Variants in ROPN1L observed in about 807,000 individuals in gnomAD.
The protein encoded by ROPN1L is ropporin-1-like protein.
In ROPN1L, 23 loss-of-function variants were observed where a neutral mutation model predicts 22.7. That is an observed-to-expected ratio of 1.01 (90% confidence interval 0.73 to 1.43). The LOEUF (loss-of-function observed/expected upper bound fraction) is 1.43, where lower values mean the gene tolerates loss of function less well. Ranked by LOEUF, ROPN1L falls within the 40% of genes most tolerant of loss-of-function variation. ROPN1L has a pLI of 0.00. For synonymous variants in ROPN1L, 116 were observed against 117.8 expected (o/e 0.98, Z 0.10); for missense variants, 271 against 291.5 (o/e 0.93, Z 0.51).
chr5:10,442,399 C>A, intron 1 of ROPN1L, 101 bp downstream of exon 1: 3 of 1,475,458 alleles, frequency 2.0e-6, no homozygotes, highest in Non-Finnish European at 2.8e-6. Flanking sequence ...CGGCACTCAG[C>A]GTCCTTAAGA....
the ROPN1L span, among the ~76,000 whole-genome samples, chr5:10,477,702 A>G: frequency 6.6e-6 from 1 of 152,106 alleles, no homozygotes; most frequent in African/African-American, 2.4e-5. Context: ...GGCCAAGGCA[A>G]TCGGATCATT....
intron 1 of ROPN1L, among the ~76,000 whole-genome samples, chr5:10,443,887 G>T (rs1740972027): frequency 6.6e-6 from 1 of 152,124 alleles, no homozygotes; most frequent in African/African-American, 2.4e-5. Flanking sequence ...GGACACTGGT[G>T]ATTGCATTCA....
chr5:10,468,154 A>T (rs535721513), downstream of ROPN1L, among the ~76,000 whole-genome samples: 1 of 152,240 alleles, frequency 6.6e-6, no homozygotes, highest in African/African-American at 2.4e-5. Flanking sequence ...TCCCTGCCTC[A>T]CGGTTGACTG....
chr5:10,447,284 C>T (rs1220541224), intron 1 of ROPN1L, among the ~76,000 whole-genome samples: 1 of 152,200 alleles, frequency 6.6e-6, no homozygotes, highest in Admixed American at 6.5e-5. Flanking sequence ...TTGCCTGGCA[C>T]CCCTCCCACC....
At chr5:10,464,794 CTAAGTA>C (rs913792450) in intron 4 of ROPN1L, 48 bp from the exon 5 acceptor site, 18 of 1,001,164 alleles carry the variant, frequency 1.8e-5, no homozygotes, top group African/African-American at 1.1e-4. Flanking sequence ...AAAAATGTTA[CTAAGTA>C]TATGATGAGA....
intron 3 of ROPN1L, among the ~76,000 whole-genome samples, chr5:10,455,519 G>A (rs1741389141): frequency 6.6e-6 from 1 of 152,224 alleles, no homozygotes; most frequent in Non-Finnish European, 1.5e-5. Flanking sequence ...GTGGGAAAGA[G>A]GCAGGGGCCA....
Position 10,461,272 on chromosome 5 carries a change from C to T in ROPN1L, c.506C>T (p.Ser169Phe). 4 of 1,614,148 alleles carry T rather than the reference C, an allele frequency of 2.5e-6. No individual in the cohort carries two copies. The highest frequency in any genetic ancestry group is 3.4e-6 in the Non-Finnish European group (4 of 1,180,032). The part of the protein sequence containing the change: ...GPARIPFKTF[S>F]YVYRYLARLD... ...GCTCGCATCCCCTTCAAGACGTTTTCCTACGTTTACCGCTACTTGGCCAGA... is the reference window on the plus strand; with the variant it reads ...GCTCGCATCCCCTTCAAGACGTTTTTCTACGTTTACCGCTACTTGGCCAGA... Residue 169 changes from serine (S) to phenylalanine (F), a missense_variant, in exon 4 of 5, where the codon TCC becomes TTC. By Grantham distance (155) the Ser-to-Phe change is radical. Coordinates refer to ENST00000274134, the MANE Select transcript of ROPN1L (RefSeq NM_031916.5).
At chr5:10,463,638 C>T (rs569236549) in intron 4 of ROPN1L, among the ~76,000 whole-genome samples, 61 of 152,316 alleles carry the variant, frequency 4.0e-4, no homozygotes, top group African/African-American at 1.3e-3. Context: ...CCTCTCATCT[C>T]GAATTGCCCA....
At chr5:10,452,662 A>G (rs1741296313) in intron 3 of ROPN1L, among the ~76,000 whole-genome samples, 1 of 152,160 alleles carries the variant, frequency 6.6e-6, no homozygotes, top group Non-Finnish European at 1.5e-5. Context: ...TTAACAATAT[A>G]AAATTGTATG....
intron 3 of ROPN1L, among the ~76,000 whole-genome samples, chr5:10,452,201 G>A (rs1403274105): frequency 6.6e-6 from 1 of 151,694 alleles, no homozygotes; most frequent in African/African-American, 2.4e-5. Flanking sequence ...GGCTGGTCTT[G>A]AACTCCTGAC....
chr5:10,460,344 G>C (rs938453), intron 3 of ROPN1L, among the ~76,000 whole-genome samples: 25,055 of 152,292 alleles, frequency 0.16, 3,167 homozygotes, highest in East Asian at 0.66. Context: ...GCTGGCCCTG[G>C]GGAGCCCTGG....
At chr5:10,460,425 C>T (rs1677761955) in intron 3 of ROPN1L, among the ~76,000 whole-genome samples, 1 of 152,182 alleles carries the variant, frequency 6.6e-6, no homozygotes, top group Admixed American at 6.5e-5. Context: ...CTGTTAGCTG[C>T]CCCCCACCCC....
chr5:10,455,522 AG>A (rs1422402937), intron 3 of ROPN1L, among the ~76,000 whole-genome samples: 1 of 152,174 alleles, frequency 6.6e-6, no homozygotes, highest in East Asian at 1.9e-4. Flanking sequence ...GGAAAGAGGC[AG>A]GGGCCACGCT....
At chr5:10,445,774 T>C (rs1741040175) in intron 1 of ROPN1L, among the ~76,000 whole-genome samples, 1 of 152,052 alleles carries the variant, frequency 6.6e-6, no homozygotes, top group African/African-American at 2.4e-5. Context: ...AAAAATAAAA[T>C]TAGCCGGCCA....
At chr5:10,444,840 A>T (rs10474871) in intron 1 of ROPN1L, among the ~76,000 whole-genome samples, 1 of 151,804 alleles carries the variant, frequency 6.6e-6, no homozygotes, top group African/African-American at 2.4e-5. Context: ...CAGAGGTTGC[A>T]GTGAGCCAAG....
intron 1 of ROPN1L, among the ~76,000 whole-genome samples, chr5:10,445,831 A>C (rs1741043769): frequency 6.6e-6 from 1 of 152,188 alleles, no homozygotes; most frequent in Admixed American, 6.5e-5. Flanking sequence ...GCTGAGGCAG[A>C]AGGATCACTT....
chr5:10,454,038 T>C (rs1383048316), intron 3 of ROPN1L, among the ~76,000 whole-genome samples: 1 of 152,234 alleles, frequency 6.6e-6, no homozygotes, highest in Non-Finnish European at 1.5e-5. Flanking sequence ...AATTGCCATC[T>C]GGATGTTAAG....
intron 3 of ROPN1L, among the ~76,000 whole-genome samples, chr5:10,454,086 G>A (rs1741342137): frequency 6.6e-6 from 1 of 152,020 alleles, no homozygotes; most frequent in Non-Finnish European, 1.5e-5. Context: ...TGATGTGCTT[G>A]CATGGTGAAA....
downstream of ROPN1L, chr5:10,465,050 T>A: frequency 1.7e-6 from 1 of 577,740 alleles, no homozygotes; most frequent in Non-Finnish European, 3.0e-6. Context: ...TGAGTGTTTC[T>A]CTAAATGGGA....
Sources: allele counts gnomAD v4.1 joint callset (sites outside exome capture counted in the v4.1 genomes callset), GRCh38; gene constraint gnomAD v4.1.1; transcripts MANE v1.5; gene names NCBI Gene and HGNC (gene_info 2026-07-23, HGNC 2026-07-21).